The following PCDHGB5 variants were observed in gnomAD, a reference collection of about 807,000 sequenced individuals.
PCDHGB5 encodes protocadherin gamma-B5.
A neutral mutation model predicts 62.9 loss-of-function variants in PCDHGB5; 48 were observed. That is an observed-to-expected ratio of 0.76 (90% confidence interval 0.61 to 0.97). PCDHGB5 has a LOEUF of 0.97. PCDHGB5 is among the 50% of genes least tolerant of loss of function. The pLI, the probability that PCDHGB5 is intolerant of heterozygous loss-of-function variation, is 0.00. For missense variants in PCDHGB5, 1,118 were observed against 1,198.6 expected (o/e 0.93, Z 0.99); for synonymous variants, 474 against 511.2 (o/e 0.93, Z 0.98).
chr5:141,430,613 A>T, intron 1 of PCDHGB5: 1 of 679,628 alleles, frequency 1.5e-6, no homozygotes, highest in Admixed American at 3.0e-5. Context: ...CACAAAGCAG[A>T]TAGCTAGGAA....
intron 1 of PCDHGB5, among the ~76,000 whole-genome samples, chr5:141,473,422 A>C (rs2154571673): frequency 6.6e-6 from 1 of 152,332 alleles, no homozygotes; most frequent in African/African-American, 2.4e-5. Context: ...TGGGGGAAGC[A>C]GATACTTTGC....
Position 141,400,256 on chromosome 5 carries a change from G to A in PCDHGB5, c.2129G>A (p.Arg710His), listed in dbSNP as rs756430299. 9.9e-6 allele frequency: 16 copies of A among 1,613,986 alleles called. No homozygotes were observed. The highest frequency in any genetic ancestry group is 1.7e-5 in the Admixed American group (1 of 60,018). ...LLAVILAVAL[R>H]LRRSSSPAAW... The stretch of plus-strand genomic sequence containing the variant: ...GCCGTGATTCTGGCCGTTGCCTTGC[G>A]CCTGCGACGCTCCTCCAGCCCTGCC... The change falls in exon 1 of 4, where the codon CGC becomes CAC. Residue 710 changes from arginine (R) to histidine (H), a missense_variant. Physicochemically the swap from Arg to His is conservative, Grantham distance 29 (BLOSUM62 0). This residue lies in a region of PCDHGB5 where 1,034 missense variants were observed against 1,029.1 expected (regional missense o/e 1.00). Transcript: ENST00000617380.
intron 1 of PCDHGB5, chr5:141,415,772 T>TTC: frequency 7.5e-7 from 1 of 1,332,986 alleles, no homozygotes; most frequent in Non-Finnish European, 9.6e-7. Flanking sequence ...TTTTTTTTTT[T>TTC]ACTTTCTGGT....
chr5:141,401,109 C>G (rs1389316272), intron 1 of PCDHGB5, among the ~76,000 whole-genome samples: 2 of 152,012 alleles, frequency 1.3e-5, no homozygotes, highest in African/African-American at 2.4e-5. Flanking sequence ...TTTGGGAGGC[C>G]GAGGCGGTTG....
chr5:141,485,714 G>A lies in PCDHGB5; in HGVS notation c.2398-9093G>A. 6.2e-7 allele frequency: 1 copy of A among 1,614,182 alleles called. No individual in the cohort carries two copies. The highest frequency in any genetic ancestry group is 8.5e-7 in the Non-Finnish European group (1 of 1,180,042). On this transcript the variant is annotated intron_variant, in intron 1 of 3. Transcript: ENST00000617380. This position sits in a 1 kb window ranked among gnomAD's most constrained non-coding sequence, Gnocchi z 5.7. ...GAGCTCCAATGAACACTTTGCACTG[G>A]ATGTGAAGAAGCGCAGCGACGGCAG...
rs117345436 is a variant in PCDHGB5 at position 141,492,015 on chromosome 5, G to T, written c.2398-2792G>T. 1,356 of 600,608 alleles carry T rather than the reference G, an allele frequency of 2.3e-3. 40 individuals carry two copies. The East Asian group carries it at 0.038, about 17-fold the overall frequency. The allele number at this position is 600,608 out of a possible 1,614,324, so 37.2% of individuals were successfully genotyped here. A position where few individuals can be genotyped will look rare whatever the true frequency, so the allele number is the denominator to read the frequency against. ...ATTTCGGGCGATTTCCGCGGGTGTC[G>T]GGGGTCCCGGGAGGAGGCAGTCACA... On this transcript the variant is annotated intron_variant, in intron 1 of 3. Transcript: ENST00000617380.
chr5:141,488,046 G>A (rs958459817), intron 1 of PCDHGB5, among the ~76,000 whole-genome samples: 1 of 152,182 alleles, frequency 6.6e-6, no homozygotes, highest in African/African-American at 2.4e-5. Flanking sequence ...CCAAGGGATT[G>A]AGGGGAAATA....
rs1245731818 is a variant in PCDHGB5, at chr5:141,476,700, A to C, written c.2398-18107A>C. 1 of 1,614,096 alleles carries C rather than the reference A, an allele frequency of 6.2e-7. No homozygotes were observed. Among genetic ancestry groups the C allele is most frequent in the Non-Finnish European group, 8.5e-7 (1 of 1,180,016 alleles). On this transcript the variant is annotated intron_variant, in intron 1 of 3. Coordinates refer to ENST00000617380, the MANE Select transcript of PCDHGB5 (RefSeq NM_018925.3). This position sits in a 1 kb window ranked among gnomAD's most constrained non-coding sequence, Gnocchi z 7.6. Reference sequence around the variant, plus strand: ...CGGGAGGACAGCACCAAGTACGCGGAGCTGGTGTTGGAGCGCGCCCTGGAC... The same window carrying C: ...CGGGAGGACAGCACCAAGTACGCGGCGCTGGTGTTGGAGCGCGCCCTGGAC...
At chr5:141,419,789 G>A (rs758649709) in intron 1 of PCDHGB5, 2 of 1,614,068 alleles carry the variant, frequency 1.2e-6, no homozygotes, top group South Asian at 2.2e-5. Context: ...GCGCCTGCTA[G>A]TCGCTGTAAG....
intron 1 of PCDHGB5, among the ~76,000 whole-genome samples, chr5:141,454,795 A>G (rs79012896): frequency 9.1e-6 from 1 of 110,272 alleles, no homozygotes; most frequent in South Asian, 3.0e-4. Flanking sequence ...CCATGGTTCT[A>G]ATTTTTTTTT....
chr5:141,407,656 C>T (rs1333500318), intron 1 of PCDHGB5, among the ~76,000 whole-genome samples: 1 of 151,756 alleles, frequency 6.6e-6, no homozygotes, highest in Admixed American at 6.6e-5. Flanking sequence ...TGGGGGAGCG[C>T]AGTATATATT....
At chr5:141,470,589 G>A (rs1593264687) in intron 1 of PCDHGB5, among the ~76,000 whole-genome samples, 1 of 152,300 alleles carries the variant, frequency 6.6e-6, no homozygotes, top group East Asian at 1.9e-4. Flanking sequence ...TCATAGGCAG[G>A]CGACCTGTGC....
intron 1 of PCDHGB5, chr5:141,433,023 A>C: frequency 6.2e-7 from 1 of 1,614,084 alleles, no homozygotes; most frequent in East Asian, 2.2e-5. Context: ...ACCTATTCCC[A>C]CGAGGTTTCC....
Position 141,511,151 on chromosome 5 carries a change from C to T in PCDHGB5, c.2750C>T (p.Ser917Leu), listed in dbSNP as rs202071188. The T allele has an allele frequency of 3.0e-5, 49 of 1,614,152 alleles. No individual in the cohort carries two copies. The highest frequency in any genetic ancestry group is 2.6e-4 in the South Asian group (24 of 91,066). The change falls in exon 4 of 4, where the codon TCG becomes TTG. Residue 917 changes from serine (S) to leucine (L), a missense_variant. Ser to Leu is a moderately radical substitution (Grantham distance 145, BLOSUM62 -2). Coordinates refer to ENST00000617380, the MANE Select transcript of PCDHGB5 (RefSeq NM_018925.3). ...GGTGGCAATGGCAACAAGAAGAAGT[C>T]GGGCAAGAAGGAGAAGAAGTAACAT... ...PAGGNGNKKK[S>L]GKKEKK
chr5:141,417,678 A>G (rs1306009640), intron 1 of PCDHGB5: 4 of 997,368 alleles, frequency 4.0e-6, no homozygotes, highest in Non-Finnish European at 5.7e-6. Flanking sequence ...GCAGCCAACA[A>G]CAGAAAAGAA....
chr5:141,415,102 A>C, intron 1 of PCDHGB5: 1 of 1,613,550 alleles, frequency 6.2e-7, no homozygotes. Flanking sequence ...AGACGCGCTC[A>C]AGCAAAGCCT....
At chr5:141,443,126 A>G (rs972396091) in intron 1 of PCDHGB5, among the ~76,000 whole-genome samples, 1 of 152,190 alleles carries the variant, frequency 6.6e-6, no homozygotes, top group Non-Finnish European at 1.5e-5. Context: ...AACCAGATTA[A>G]GAACACTATC....
chr5:141,505,210 A>G (rs899138393), intron 2 of PCDHGB5, among the ~76,000 whole-genome samples, 183 bp from the exon 3 acceptor site: 3 of 152,192 alleles, frequency 2.0e-5, no homozygotes, highest in African/African-American at 7.2e-5. Flanking sequence ...GGTTTGAGGG[A>G]CTGACTTGTG....
rs2233612 is a variant in PCDHGB5 at position 141,511,014 on chromosome 5, A to G, written c.2613A>G (p.Gly871=). 8.6e-4 allele frequency: 1,386 copies of G among 1,614,082 alleles called. 14 individuals are homozygous for G. The African/African-American group carries it at 0.017, about 20-fold the overall frequency. The change falls in exon 4 of 4, where the codon GGA becomes GGG. Residue 871 remains glycine, a synonymous_variant. Coordinates refer to ENST00000617380, the MANE Select transcript of PCDHGB5 (RefSeq NM_018925.3). ...AGTMGLSARY[G]PQFTLQHVPD... ...CCATGGGATTGAGCGCCCGCTACGG[A>G]CCCCAGTTCACCCTGCAGCACGTGC...
Sources: gnomAD v4.1 joint callset for allele counts (sites outside exome capture counted in the v4.1 genomes callset) on GRCh38, gnomAD v4.1.1 for gene constraint, gnomAD v4.1.1 regional missense constraint, Gnocchi (gnomAD v3.1) non-coding constraint, MANE v1.5 for transcripts, NCBI Gene and HGNC (gene_info 2026-07-23, HGNC 2026-07-21) for gene names.